Variants in TBC1D22A observed in about 807,000 individuals in gnomAD.
TBC1D22A encodes TBC1 domain family member 22A, also known as putative GTPase activator.
In TBC1D22A, 38 loss-of-function variants were observed where a neutral mutation model predicts 60.2. The ratio of observed to expected loss-of-function variants is 0.63; its 90% confidence interval spans 0.49 to 0.83. TBC1D22A has a LOEUF of 0.83. Among genes scored for constraint, TBC1D22A ranks in the 40% least tolerant of loss-of-function variants. The pLI, the probability that TBC1D22A is intolerant of heterozygous loss-of-function variation, is 0.00. For missense variants in TBC1D22A, 628 were observed against 701.0 expected, an observed-to-expected ratio of 0.90 and a Z score of 1.18; for synonymous variants, 302 against 281.7, an observed-to-expected ratio of 1.07 and a Z score of -0.72.
At chr22:47,163,049 G>A (rs2068058629) in intron 12 of TBC1D22A, among the ~76,000 whole-genome samples, 1 of 152,246 alleles carries the variant, frequency 6.6e-6, no homozygotes, top group African/African-American at 2.4e-5. Flanking sequence ...GACGGGGCAA[G>A]TGGAGCTGGG....
At chr22:46,871,707 A>G (rs2067300673) in intron 4 of TBC1D22A, among the ~76,000 whole-genome samples, 2 of 152,248 alleles carry the variant, frequency 1.3e-5, no homozygotes, top group African/African-American at 4.8e-5. Flanking sequence ...AGGAAACTTT[A>G]TACTTTTAAA....
chr22:47,060,872 C>T (rs73471676), intron 11 of TBC1D22A, among the ~76,000 whole-genome samples: 4 of 152,170 alleles, frequency 2.6e-5, no homozygotes, highest in South Asian at 2.1e-4. Context: ...CCATGCCGCT[C>T]GACTCCCATC....
intron 11 of TBC1D22A, among the ~76,000 whole-genome samples, chr22:47,089,656 C>G (rs926826444): frequency 6.6e-6 from 1 of 152,158 alleles, no homozygotes; most frequent in Non-Finnish European, 1.5e-5. Flanking sequence ...GACAGTTTGA[C>G]TGTCTTAAAG....
intron 9 of TBC1D22A, among the ~76,000 whole-genome samples, chr22:46,981,604 T>G (rs372626671): frequency 3.6e-4 from 55 of 152,320 alleles, no homozygotes; most frequent in African/African-American, 1.3e-3. Flanking sequence ...TATAAGGGGC[T>G]CTTCCCCCAC....
At chr22:47,124,879 G>T (rs2066400752) in intron 12 of TBC1D22A, among the ~76,000 whole-genome samples, 1 of 152,146 alleles carries the variant, frequency 6.6e-6, no homozygotes, top group Non-Finnish European at 1.5e-5. Context: ...GGACAGGCGG[G>T]CAGAGGCCTG....
chr22:47,170,098 AAAAG>A (rs2068373827), intron 12 of TBC1D22A, among the ~76,000 whole-genome samples: 1 of 152,234 alleles, frequency 6.6e-6, no homozygotes, highest in African/African-American at 2.4e-5. Context: ...GCCTTTTTAA[AAAAG>A]AAATCTGTAT....
intron 12 of TBC1D22A, among the ~76,000 whole-genome samples, chr22:47,138,367 G>A (rs1301112251): frequency 6.6e-6 from 1 of 151,994 alleles, no homozygotes; most frequent in Non-Finnish European, 1.5e-5. Context: ...GGAGGAGCGA[G>A]CAGTAGGACA....
intron 4 of TBC1D22A, among the ~76,000 whole-genome samples, chr22:46,855,213 A>G (rs1602168866): frequency 6.6e-6 from 1 of 152,288 alleles, no homozygotes; most frequent in East Asian, 1.9e-4. Flanking sequence ...CTTGTGCCCA[A>G]GGTGTCTGCT....
rs1002349760 is a variant in TBC1D22A, at chr22:47,174,498, A to G, written c.*872A>G. ...CCCTGTCATCAAAGCCCTGAACCAC[A>G]GTGCTCTTCTCACCGCAGCCTGGAA... On this transcript the variant is annotated 3_prime_UTR_variant, in exon 13 of 13. Coordinates refer to ENST00000337137, the MANE Select transcript of TBC1D22A (RefSeq NM_014346.5). 2.6e-5 allele frequency: 4 copies of G among 152,246 alleles called. No homozygotes were observed. Among genetic ancestry groups the G allele is most frequent in the African/African-American group, 9.6e-5 (4 of 41,456 alleles). 9.4% of individuals were successfully genotyped at this position (152,246 alleles called of 1,614,324 possible).
At chr22:47,002,204 G>A (rs1311684624) in intron 10 of TBC1D22A, among the ~76,000 whole-genome samples, 2 of 152,154 alleles carry the variant, frequency 1.3e-5, no homozygotes, top group Non-Finnish European at 2.9e-5. Flanking sequence ...GTATTACATC[G>A]AGAACGCTTA....
chr22:46,992,241 A>G (rs899353853), intron 9 of TBC1D22A, among the ~76,000 whole-genome samples: 2 of 152,264 alleles, frequency 1.3e-5, no homozygotes, highest in Non-Finnish European at 2.9e-5. Context: ...TAAGCTTCCA[A>G]GCCCCCTCCT....
rs560575288 is a variant in TBC1D22A, at chr22:46,984,302, G to A, written c.1125+9903G>A. Among the ~76,000 whole-genome samples, 5 of 140,766 alleles carry A rather than the reference G, an allele frequency of 3.6e-5. No individual in the cohort carries two copies. In the South Asian group the frequency reaches 1.2e-3, roughly 33 times the overall value. 92.3% of individuals were successfully genotyped at this position (140,766 alleles called of 152,430 possible). ...GAATTGCTTGAACCTGGGAGACAGAGGTTGCAGTGAGCCGAGATCGAGCCA... is the reference window on the plus strand; with the variant it reads ...GAATTGCTTGAACCTGGGAGACAGAAGTTGCAGTGAGCCGAGATCGAGCCA... On this transcript the variant is annotated intron_variant, in intron 9 of 12. Coordinates refer to ENST00000337137, the MANE Select transcript of TBC1D22A (RefSeq NM_014346.5).
chr22:46,862,396 A>G (rs1365807317), intron 4 of TBC1D22A, among the ~76,000 whole-genome samples: 1 of 151,618 alleles, frequency 6.6e-6, no homozygotes, highest in Non-Finnish European at 1.5e-5. Flanking sequence ...TGCAGTTGGG[A>G]GTGAGATGAG....
intron 8 of TBC1D22A, among the ~76,000 whole-genome samples, chr22:46,954,336 A>G (rs1046123006): frequency 1.3e-5 from 2 of 152,236 alleles, no homozygotes; most frequent in South Asian, 2.1e-4. Context: ...TGATGCGTGT[A>G]TGTGAGTACT....
intron 8 of TBC1D22A, among the ~76,000 whole-genome samples, chr22:46,921,702 A>T (rs918357140): frequency 6.6e-6 from 1 of 151,416 alleles, no homozygotes; most frequent in Non-Finnish European, 1.5e-5. Context: ...TTACATTCTC[A>T]CTAGCAGTGT....
Position 47,076,380 on chromosome 22 carries a change from TACACACAC to T in TBC1D22A, c.1330-35106_1330-35099del, listed in dbSNP as rs1183466938. Reference sequence around the variant, plus strand: ...GTGTGTGTATATATATATATATATATACACACACACACACACACACACACACACATATA... The same window carrying T: ...GTGTGTGTATATATATATATATATATACACACACACACACACACACATATA... On this transcript the variant is annotated intron_variant, in intron 11 of 12. Transcript: ENST00000337137. 2.6e-3 allele frequency among the ~76,000 whole-genome samples: 324 copies of T among 124,534 alleles called. 4 individuals carry two copies. Among genetic ancestry groups the T allele is most frequent in the Middle Eastern group, 8.5e-3 (2 of 236 alleles). The allele number at this position is 124,534 out of a possible 152,430, so 81.7% of individuals were successfully genotyped here.
chr22:46,984,966 T>G (rs2148182028), intron 9 of TBC1D22A, among the ~76,000 whole-genome samples: 2 of 152,308 alleles, frequency 1.3e-5, no homozygotes, highest in South Asian at 4.1e-4. Flanking sequence ...TGGGGAGATG[T>G]GTGGCTTCTT....
intron 10 of TBC1D22A, among the ~76,000 whole-genome samples, chr22:47,036,009 A>G (rs533433647): frequency 6.6e-6 from 1 of 152,318 alleles, no homozygotes; most frequent in South Asian, 2.1e-4. Context: ...TGCCATTTCT[A>G]GAACTTTCTT....
In TBC1D22A at chr22:46,797,411, C is replaced by G. The variant is rs1353451065; in HGVS notation, c.461-33C>G. The G allele has an allele frequency of 3.1e-6, 5 of 1,610,226 alleles. No homozygotes were observed. In the East Asian group the frequency reaches 8.9e-5, roughly 29 times the overall value. Reference sequence around the variant, plus strand: ...GGAACGTGTAGTCGGGAGGAGCGCCCTCACCCTCACCCCCATTCTCTCACC... The same window carrying G: ...GGAACGTGTAGTCGGGAGGAGCGCCGTCACCCTCACCCCCATTCTCTCACC... On this transcript the variant is annotated intron_variant, in intron 3 of 12. Coordinates refer to ENST00000337137, the MANE Select transcript of TBC1D22A (RefSeq NM_014346.5).
Sources: allele counts gnomAD v4.1 joint callset (sites outside exome capture counted in the v4.1 genomes callset), GRCh38; gene constraint gnomAD v4.1.1; transcripts MANE v1.5; gene names NCBI Gene and HGNC (gene_info 2026-07-23, HGNC 2026-07-21).